The following MMP26 variants were observed in gnomAD, a reference collection of about 807,000 sequenced individuals.
The protein encoded by MMP26 is matrix metallopeptidase 26, also known as matrix metalloproteinase-26.
MMP26 carries 33 observed loss-of-function variants against 31.0 expected under a neutral mutation model. The ratio of observed to expected loss-of-function variants is 1.06; its 90% confidence interval spans 0.81 to 1.42. The LOEUF (loss-of-function observed/expected upper bound fraction) is 1.42. Among genes scored for constraint, MMP26 ranks in the 40% most tolerant of loss-of-function variants. MMP26 has a pLI of 0.00. For missense variants in MMP26, 347 were observed against 316.1 expected, an observed-to-expected ratio of 1.10 and a Z score of -0.74; for synonymous variants, 122 against 114.9, an observed-to-expected ratio of 1.06 and a Z score of -0.40.
intron 2 of MMP26, among the ~76,000 whole-genome samples, chr11:4,934,219 A>C (rs1388290769): frequency 6.7e-6 from 1 of 149,476 alleles, no homozygotes; most frequent in East Asian, 2.0e-4. Flanking sequence ...GTTTCTCCAC[A>C]TCCTCTCCAG....
chr11:4,867,408 T>C (rs900868080), intron 2 of MMP26, among the ~76,000 whole-genome samples: 28 of 141,696 alleles, frequency 2.0e-4, no homozygotes, highest in African/African-American at 6.8e-4. Flanking sequence ...TTTTTTTTTT[T>C]TTGATGGAGT....
At chr11:4,803,448 A>G (rs1184065677) in intron 2 of MMP26, 2 of 1,604,826 alleles carry the variant, frequency 1.2e-6, no homozygotes, top group Non-Finnish European at 1.7e-6. Context: ...GGATGTTTCC[A>G]CAACATCCTT....
intron 2 of MMP26, chr11:4,860,319 G>T (rs936382926): frequency 1.5e-5 from 7 of 471,242 alleles, no homozygotes; most frequent in Non-Finnish European, 3.1e-5. Flanking sequence ...TGCTGAGCAT[G>T]GAGGGCAAGG....
At chr11:4,983,197 G>A (rs1006435600) in intron 2 of MMP26, among the ~76,000 whole-genome samples, 1 of 152,200 alleles carries the variant, frequency 6.6e-6, no homozygotes, top group Non-Finnish European at 1.5e-5. Flanking sequence ...AAATGACTGT[G>A]TGGTTCTGTG....
chr11:4,959,844 C>G (rs1028727129), intron 2 of MMP26, among the ~76,000 whole-genome samples: 21 of 152,106 alleles, frequency 1.4e-4, no homozygotes, highest in African/African-American at 4.8e-4. Context: ...CTCCATTCCT[C>G]TTTTTCTTGA....
At chr11:4,811,281 G>A (rs774259879) in intron 2 of MMP26, among the ~76,000 whole-genome samples, 3 of 152,110 alleles carry the variant, frequency 2.0e-5, no homozygotes, top group Non-Finnish European at 2.9e-5. Context: ...CAGGGGTTTG[G>A]TGTACCGATT....
chr11:4,895,904 G>A (rs2133553521), intron 2 of MMP26, among the ~76,000 whole-genome samples: 1 of 152,310 alleles, frequency 6.6e-6, no homozygotes, highest in Non-Finnish European at 1.5e-5. Flanking sequence ...GTGACACAGT[G>A]AGACCCCGTC....
intron 1 of MMP26, among the ~76,000 whole-genome samples, chr11:4,753,278 A>T (rs771673117): frequency 1.3e-5 from 2 of 152,130 alleles, no homozygotes; most frequent in Non-Finnish European, 2.9e-5. Flanking sequence ...TGATTTTTAT[A>T]TAAATAGAAT....
intron 3 of MMP26, among the ~76,000 whole-genome samples, chr11:4,989,009 A>G (rs565488037): frequency 6.6e-6 from 1 of 152,350 alleles, no homozygotes; most frequent in Non-Finnish European, 1.5e-5. Flanking sequence ...ATAATAGATC[A>G]AGCTGTATCA....
At chr11:4,851,091 A>G (rs1319596918) in intron 2 of MMP26, among the ~76,000 whole-genome samples, 3 of 152,198 alleles carry the variant, frequency 2.0e-5, no homozygotes, top group African/African-American at 7.2e-5. Context: ...CAAGCTGTCA[A>G]TAAGATCCAT....
At chr11:4,720,198 A>C (rs764098706) in intron 1 of MMP26, among the ~76,000 whole-genome samples, 1 of 152,340 alleles carries the variant, frequency 6.6e-6, no homozygotes, top group Middle Eastern at 3.4e-3. Context: ...GAAGATGTCG[A>C]GCATAAGCAT....
intron 2 of MMP26, among the ~76,000 whole-genome samples, chr11:4,948,698 C>T (rs1869820): frequency 0.74 from 90,138 of 122,466 alleles, 39,196 homozygotes; most frequent in Middle Eastern, 0.87. Flanking sequence ...ATATACTCAC[C>T]TCTATTAGTA....
At chr11:4,763,111 T>C (rs1315543425) in intron 1 of MMP26, among the ~76,000 whole-genome samples, 8 of 151,814 alleles carry the variant, frequency 5.3e-5, no homozygotes, top group Non-Finnish European at 1.2e-4. Context: ...ATAAGGAGAG[T>C]ACTTGATAGA....
At chr11:4,858,101 A>G (rs980611916) in intron 2 of MMP26, among the ~76,000 whole-genome samples, 1 of 152,180 alleles carries the variant, frequency 6.6e-6, no homozygotes, top group Non-Finnish European at 1.5e-5. Flanking sequence ...TATTTATGAC[A>G]GACCCAGAGT....
intron 2 of MMP26, among the ~76,000 whole-genome samples, chr11:4,894,387 C>T (rs1330669523): frequency 6.6e-6 from 1 of 152,096 alleles, no homozygotes; most frequent in Non-Finnish European, 1.5e-5. Context: ...TGCTTCCTAT[C>T]TCATGTTAAT....
intron 2 of MMP26, chr11:4,769,915 C>A (rs1238944278): frequency 1.9e-6 from 3 of 1,570,704 alleles, no homozygotes; most frequent in Non-Finnish European, 2.6e-6. Context: ...TTAGGATTTC[C>A]ATGGTGTCCT....
chr11:4,937,186 G>A (rs1846133213), intron 2 of MMP26, among the ~76,000 whole-genome samples: 2 of 152,076 alleles, frequency 1.3e-5, no homozygotes, highest in Non-Finnish European at 2.9e-5. Flanking sequence ...AACTCACAGG[G>A]GCATAAGGGC....
chr11:4,978,886 A>G (rs1198145921), intron 2 of MMP26, among the ~76,000 whole-genome samples: 1 of 152,162 alleles, frequency 6.6e-6, no homozygotes, highest in Non-Finnish European at 1.5e-5. Flanking sequence ...GTCTGATAAG[A>G]GAAGAAAAGG....
chr11:4,893,195 T>C (rs189134357), intron 2 of MMP26, among the ~76,000 whole-genome samples: 4 of 152,074 alleles, frequency 2.6e-5, no homozygotes, highest in African/African-American at 7.2e-5. Context: ...AAATATAATA[T>C]GGATCAAATA....
Sources: allele counts gnomAD v4.1 joint callset (sites outside exome capture counted in the v4.1 genomes callset), GRCh38; gene constraint gnomAD v4.1.1; transcripts MANE v1.5; gene names NCBI Gene and HGNC (gene_info 2026-07-23, HGNC 2026-07-21).